MEGF6: variants seen among roughly 807,000 people sequenced by gnomAD.
MEGF6 encodes the protein multiple EGF like domains 6, also known as multiple epidermal growth factor-like domains protein 6.
A neutral mutation model predicts 207.1 loss-of-function variants in MEGF6; 184 were observed. The ratio of observed to expected loss-of-function variants is 0.89; its 90% CI spans 0.79 to 1.00. The LOEUF is 1.00. Ranked by LOEUF, MEGF6 falls within the 50% of genes least tolerant of loss-of-function variation. The pLI is 0.00. For synonymous variants in MEGF6, 1,038 were observed against 910.0 expected (o/e 1.14, Z -2.53); for missense variants, 2,282 against 2,202.9 (o/e 1.04, Z -0.72).
chr1:3,529,126 CCTT>C (rs1642062503), intron 4 of MEGF6, among the ~76,000 whole-genome samples: 1 of 152,180 alleles, frequency 6.6e-6, no homozygotes, highest in Non-Finnish European at 1.5e-5. Flanking sequence ...TGGGTTCCCT[CCTT>C]TGCAGACCTG....
chr1:3,579,184 A>G (rs900806717), intron 4 of MEGF6, among the ~76,000 whole-genome samples: 1 of 152,210 alleles, frequency 6.6e-6, no homozygotes, highest in Non-Finnish European at 1.5e-5. Context: ...AGAGGAAGGG[A>G]AGACTCCCGC....
In MEGF6 at chr1:3,510,847, A is replaced by G. The variant is rs1362752968; in HGVS notation, c.1170T>C (p.Pro390=). The G allele has an allele frequency of 1.9e-6, 3 of 1,611,220 alleles. No individual in the cohort carries two copies. ...CGTAGCAGCCGCACTCGTACCCGCCAGGGTTGTTGGTGCACACCTGCTGGC... is the reference window on the plus strand; with the variant it reads ...CGTAGCAGCCGCACTCGTACCCGCCGGGGTTGTTGGTGCACACCTGCTGGC... ...PCCQQVCTNN[P]GGYECGCYAG... is the part of the protein sequence containing the mutation. Residue 390 remains proline (P), a synonymous_variant, in exon 10 of 37, where the codon CCT becomes CCC. Coordinates refer to ENST00000356575, the MANE Select transcript of MEGF6 (RefSeq NM_001409.4).
chr1:3,535,254 G>A (rs1352928869), intron 4 of MEGF6, among the ~76,000 whole-genome samples: 2 of 152,178 alleles, frequency 1.3e-5, no homozygotes, highest in Non-Finnish European at 2.9e-5. Flanking sequence ...GGGAACAGCT[G>A]TCACAGCGCA....
the MEGF6 span, among the ~76,000 whole-genome samples, chr1:3,621,199 T>C: frequency 6.6e-6 from 1 of 152,218 alleles, no homozygotes; most frequent in Non-Finnish European, 1.5e-5. Flanking sequence ...TAAACTCCCC[T>C]GGGGAAAGGG....
At chr1:3,516,006 G>A (rs763824596) in intron 5 of MEGF6, among the ~76,000 whole-genome samples, 2 of 152,234 alleles carry the variant, frequency 1.3e-5, no homozygotes, top group Non-Finnish European at 2.9e-5. Context: ...GGGGGCAGAT[G>A]TGGGGATGCC....
At chr1:3,614,649 G>T (rs149237829), upstream of MEGF6, among the ~76,000 whole-genome samples, 1 of 152,232 alleles carries the variant, frequency 6.6e-6, no homozygotes, top group African/African-American at 2.4e-5. Flanking sequence ...TAAGATGTAT[G>T]TAGTTTTTCC....
At position 3,489,342 on chromosome 1, in the gene MEGF6, A is replaced by C. The variant is rs963444481; in HGVS notation, c.*1186T>G. 1.3e-4 allele frequency among the ~76,000 whole-genome samples: 20 copies of C among 151,992 alleles called. No homozygotes were observed. Among genetic ancestry groups the C allele is most frequent in the African/African-American group, 4.8e-4 (20 of 41,366 alleles). On this transcript the variant is annotated 3_prime_UTR_variant, in exon 37 of 37. Coordinates refer to ENST00000356575, the MANE Select transcript of MEGF6 (RefSeq NM_001409.4). ...TAGGGTGATGGGGGCGGCAGCCCAGACCCTAAGGGGGCCTTCTTAAGGGAG... is the reference window on the plus strand; with the variant it reads ...TAGGGTGATGGGGGCGGCAGCCCAGCCCCTAAGGGGGCCTTCTTAAGGGAG...
intron 6 of MEGF6, 45 bp from the exon 7 acceptor site, chr1:3,514,717 A>C: frequency 6.6e-7 from 1 of 1,512,068 alleles, no homozygotes; most frequent in Non-Finnish European, 8.9e-7. Context: ...AGGGGACCCC[A>C]GTGGCTGCAG....
the MEGF6 span, among the ~76,000 whole-genome samples, chr1:3,622,158 A>G: frequency 6.6e-6 from 1 of 152,150 alleles, no homozygotes; most frequent in African/African-American, 2.4e-5. Flanking sequence ...GGGTAGAATG[A>G]TATGGTTTAG....
intron 17 of MEGF6, among the ~76,000 whole-genome samples, chr1:3,504,404 T>C (rs1397299135): frequency 6.6e-6 from 1 of 152,044 alleles, no homozygotes; most frequent in African/African-American, 2.4e-5. Flanking sequence ...GTCATGAGAC[T>C]GAGGAGTGAC....
chr1:3,558,685 T>C (rs945684815), intron 4 of MEGF6, among the ~76,000 whole-genome samples: 14 of 152,198 alleles, frequency 9.2e-5, no homozygotes, highest in Admixed American at 1.3e-4. Flanking sequence ...ATCCCTTCCT[T>C]TCTCTGTTCG....
chr1:3,601,037 C>T (rs1570238587), intron 2 of MEGF6, among the ~76,000 whole-genome samples: 1 of 152,166 alleles, frequency 6.6e-6, no homozygotes, highest in Non-Finnish European at 1.5e-5. Flanking sequence ...GTGCCCCCCC[C>T]TCCAAGCAGG....
rs550884444 is a variant in MEGF6, at chr1:3,533,433, G to A, written c.482-9187C>T. ...TGTTTGAAGGCACCTTCCACGCAGG[G>A]CAACATCATTTATGACCGTAATGTG... On this transcript the variant is annotated intron_variant, in intron 4 of 36. Transcript: ENST00000356575. Among the ~76,000 whole-genome samples, 7 of 152,360 alleles carry A rather than the reference G, an allele frequency of 4.6e-5. No individual in the cohort carries two copies. In the East Asian group the frequency reaches 1.4e-3, roughly 29 times the overall value.
intron 4 of MEGF6, among the ~76,000 whole-genome samples, chr1:3,548,443 G>A (rs1642785635): frequency 6.6e-6 from 1 of 152,252 alleles, no homozygotes; most frequent in Non-Finnish European, 1.5e-5. Context: ...GCCCTGCGGA[G>A]GTCCATGGTG....
intron 21 of MEGF6, 144 bp downstream of exon 21, chr1:3,500,489 G>A (rs560933663): frequency 1.3e-5 from 16 of 1,233,518 alleles, no homozygotes; most frequent in East Asian, 5.2e-5. Context: ...GTGTGTGCGC[G>A]CACAGGAGGG....
At chr1:3,598,884 G>A (rs955044566) in intron 2 of MEGF6, among the ~76,000 whole-genome samples, 4 of 151,482 alleles carry the variant, frequency 2.6e-5, no homozygotes, top group Admixed American at 6.6e-5. Context: ...TCTGCAGAGC[G>A]CGGGAGCCCC....
chr1:3,555,935 GGGGGA>G (rs1643019518), intron 4 of MEGF6, among the ~76,000 whole-genome samples: 1 of 152,346 alleles, frequency 6.6e-6, no homozygotes, highest in East Asian at 1.9e-4. Flanking sequence ...CATCATCTCT[GGGGGA>G]GGGACTGTGG....
Position 3,505,420 on chromosome 1 carries a change from A to C in MEGF6, c.2053+2T>G, listed in dbSNP as rs1641076463. On this transcript the variant is annotated splice_donor_variant, in intron 16 of 36. Coordinates refer to ENST00000356575, the MANE Select transcript of MEGF6 (RefSeq NM_001409.4). LOFTEE classifies it high-confidence loss of function. The stretch of plus-strand genomic sequence containing the variant: ...GCCCCCAGACCCCATGCCTGGACTC[A>C]CCTGCCTGACAGCGCTCGCCCCGGA... 6.3e-7 allele frequency: 1 copy of C among 1,589,482 alleles called. No individual in the cohort carries two copies. Among genetic ancestry groups the C allele is most frequent in the Non-Finnish European group, 8.6e-7 (1 of 1,166,890 alleles).
chr1:3,604,763 C>A (rs1224573729), intron 1 of MEGF6, among the ~76,000 whole-genome samples: 1 of 152,176 alleles, frequency 6.6e-6, no homozygotes, highest in African/African-American at 2.4e-5. Context: ...TCTCTCCCAC[C>A]TTCCCCCAGC....
Sources: gnomAD v4.1 joint callset for allele counts (sites outside exome capture counted in the v4.1 genomes callset) on GRCh38, gnomAD v4.1.1 for gene constraint, MANE v1.5 for transcripts, NCBI Gene and HGNC (gene_info 2026-07-23, HGNC 2026-07-21) for gene names.